The following KLHL1 variants were observed in gnomAD, a reference collection of about 807,000 sequenced individuals.
KLHL1 encodes the protein kelch-like protein 1.
KLHL1 carries 47 observed loss-of-function variants against 77.7 expected under a neutral mutation model. The ratio of observed to expected loss-of-function variants is 0.60; its 90% CI spans 0.48 to 0.77. The LOEUF (loss-of-function observed/expected upper bound fraction) is 0.77, where lower values mean the gene tolerates loss of function less well. Ranked by LOEUF, KLHL1 falls within the 30% of genes least tolerant of loss-of-function variation. KLHL1 has a pLI of 0.00. For missense variants in KLHL1, 925 were observed against 910.8 expected, an observed-to-expected ratio of 1.02 and a Z score of -0.20; for synonymous variants, 360 against 325.2, an observed-to-expected ratio of 1.11 and a Z score of -1.15.
chr13:70,028,433 C>A (rs1809728855), intron 1 of KLHL1, among the ~76,000 whole-genome samples: 1 of 152,050 alleles, frequency 6.6e-6, no homozygotes, highest in African/African-American at 2.4e-5. Flanking sequence ...TTTTAAAAAT[C>A]TCATGTTGTT....
At chr13:69,831,623 A>T (rs1878765252) in intron 6 of KLHL1, among the ~76,000 whole-genome samples, 1 of 150,014 alleles carries the variant, frequency 6.7e-6, no homozygotes, top group African/African-American at 2.5e-5. Context: ...CCCTAATACC[A>T]AAACCAGGAA....
chr13:69,880,270 TATA>T (rs1280232305), intron 5 of KLHL1, among the ~76,000 whole-genome samples: 4 of 152,186 alleles, frequency 2.6e-5, no homozygotes, highest in Non-Finnish European at 5.9e-5. Context: ...GTAATATGCT[TATA>T]ATGACACATA....
chr13:69,922,684 G>C (rs1264151322), intron 4 of KLHL1, among the ~76,000 whole-genome samples: 4 of 152,028 alleles, frequency 2.6e-5, no homozygotes, highest in Non-Finnish European at 5.9e-5. Context: ...TATTTATAGG[G>C]ATACAGATAT....
At chr13:69,800,647 A>G (rs1377950176) in intron 6 of KLHL1, among the ~76,000 whole-genome samples, 4 of 152,032 alleles carry the variant, frequency 2.6e-5, no homozygotes, top group African/African-American at 9.7e-5. Flanking sequence ...GAATTTCCTC[A>G]CCAATGTACT....
At chr13:69,825,754 G>A (rs1878518620) in intron 6 of KLHL1, among the ~76,000 whole-genome samples, 1 of 152,124 alleles carries the variant, frequency 6.6e-6, no homozygotes, top group African/African-American at 2.4e-5. Context: ...TAAGGTAGTA[G>A]AAATGCTGAT....
At chr13:70,038,303 G>T (rs1260138243) in intron 1 of KLHL1, among the ~76,000 whole-genome samples, 1 of 152,020 alleles carries the variant, frequency 6.6e-6, no homozygotes, top group African/African-American at 2.4e-5. Flanking sequence ...TTTAATACCT[G>T]TTGAAGGGTA....
chr13:69,711,918 G>A (rs564955055), intron 9 of KLHL1, among the ~76,000 whole-genome samples: 88 of 152,172 alleles, frequency 5.8e-4, no homozygotes, highest in Non-Finnish European at 8.5e-4. Context: ...TTTCTGGTGG[G>A]TAGGTGATGG....
intron 7 of KLHL1, among the ~76,000 whole-genome samples, chr13:69,749,387 T>C (rs1427941339): frequency 6.6e-6 from 1 of 152,038 alleles, no homozygotes; most frequent in East Asian, 1.9e-4. Context: ...TGATGACTTC[T>C]GATAATTTTT....
At chr13:69,784,831 G>T (rs868136967) in intron 7 of KLHL1, among the ~76,000 whole-genome samples, 42 of 149,364 alleles carry the variant, frequency 2.8e-4, no homozygotes, top group South Asian at 1.7e-3. Context: ...TGCACCAAGC[G>T]GACCTAATAG....
At chr13:69,803,531 A>T (rs1877483634) in intron 6 of KLHL1, among the ~76,000 whole-genome samples, 1 of 152,214 alleles carries the variant, frequency 6.6e-6, no homozygotes, top group Non-Finnish European at 1.5e-5. Context: ...ACCTGTGCAT[A>T]TGTTGAAATA....
In KLHL1 at chr13:70,022,305, A is replaced by G. The variant is rs9564640; in HGVS notation, c.498-46503T>C. Among the ~76,000 whole-genome samples the G allele has an allele frequency of 7.9e-3, 625 of 79,504 alleles. 4 individuals are homozygous for G. Among genetic ancestry groups the G allele is most frequent in the African/African-American group, 0.038 (577 of 15,290 alleles). The allele number at this position is 79,504 out of a possible 152,430, so 52.2% of individuals were successfully genotyped here. A position where few individuals can be genotyped will look rare whatever the true frequency, so the allele number is the denominator to read the frequency against. On this transcript the variant is annotated intron_variant, in intron 1 of 10. Transcript: ENST00000377844. ...TTTGTGTGTGTGTGTGTGTGTGTGT[A>G]TGTGTTTGGTTGTAGGATCTCTATT...
intron 1 of KLHL1, among the ~76,000 whole-genome samples, chr13:70,093,245 A>G (rs1258193018): frequency 2.0e-5 from 3 of 152,146 alleles, no homozygotes; most frequent in Non-Finnish European, 4.4e-5. Flanking sequence ...TGAGGGAAAT[A>G]GGAAAATCAA....
chr13:69,848,476 A>T (rs1879558966), intron 5 of KLHL1, among the ~76,000 whole-genome samples: 1 of 151,544 alleles, frequency 6.6e-6, no homozygotes, highest in South Asian at 2.1e-4. Flanking sequence ...AAAGAATTGA[A>T]TCTTGAAATT....
At chr13:69,786,344 G>T (rs903549505) in intron 7 of KLHL1, among the ~76,000 whole-genome samples, 2 of 152,148 alleles carry the variant, frequency 1.3e-5, no homozygotes, top group Admixed American at 1.3e-4. Flanking sequence ...ATGCAAGGCT[G>T]GTTCAATATA....
At chr13:70,084,461 C>CTTTTTTTTTTT (rs1324246935) in intron 1 of KLHL1, among the ~76,000 whole-genome samples, 2,162 of 114,808 alleles carry the variant, frequency 0.019, 320 homozygotes, top group East Asian at 0.033. Flanking sequence ...ATTTCTTCTT[C>CTTTTTTTTTTT]TTCTTTTTTT....
rs1228008203 is a variant in KLHL1, at chr13:69,701,719, C to T, written c.2230G>A (p.Val744Ile). The change falls in exon 11 of 11, where the codon GTC becomes ATC. Residue 744 changes from valine (V) to isoleucine (I), a missense_variant. Val to Ile is a conservative substitution (Grantham distance 29). Coordinates refer to ENST00000377844, the MANE Select transcript of KLHL1 (RefSeq NM_020866.3). Reference sequence around the variant, plus strand: ...TCAATAAGTCAAGGTTGCTTGATGACTACCACACAGGCACCTGCTCTCCCA... The same window carrying T: ...TCAATAAGTCAAGGTTGCTTGATGATTACCACACAGGCACCTGCTCTCCCA... ...NIGRAGACVV[V>I]IKQP The T allele has an allele frequency of 6.2e-7, 1 of 1,608,984 alleles. No homozygotes were observed. Among genetic ancestry groups the T allele is most frequent in the East Asian group, 2.2e-5 (1 of 44,676 alleles).
chr13:69,756,306 G>GAT (rs1874733226), intron 7 of KLHL1, among the ~76,000 whole-genome samples: 3 of 146,550 alleles, frequency 2.0e-5, no homozygotes, highest in African/African-American at 7.3e-5. Context: ...AAATATTGGG[G>GAT]GATAAAATGG....
intron 4 of KLHL1, among the ~76,000 whole-genome samples, chr13:69,920,230 TA>T (rs1159461336): frequency 2.0e-5 from 3 of 152,118 alleles, no homozygotes; most frequent in Admixed American, 1.3e-4. Flanking sequence ...GCCAGTTCAC[TA>T]AAATACATGT....
intron 10 of KLHL1, 87 bp from the exon 11 acceptor site, chr13:69,701,848 T>C: frequency 1.0e-6 from 1 of 974,238 alleles, no homozygotes; most frequent in Non-Finnish European, 1.5e-6. Flanking sequence ...TACATGAAAA[T>C]CATAAATAAA....
Sources: allele counts gnomAD v4.1 joint callset (sites outside exome capture counted in the v4.1 genomes callset), GRCh38; gene constraint gnomAD v4.1.1; transcripts MANE v1.5; gene names NCBI Gene and HGNC (gene_info 2026-07-23, HGNC 2026-07-21).